The following PPOX variants were observed in gnomAD, a reference collection of about 807,000 sequenced individuals.
PPOX encodes variegate porphyria.
Under a neutral mutation model 54.1 loss-of-function variants are expected in PPOX, and 23 were observed. The ratio of observed to expected loss-of-function variants is 0.43; its 90% CI spans 0.31 to 0.60. PPOX has a LOEUF of 0.60. PPOX is among the 20% of genes least tolerant of loss of function. The probability of loss-of-function intolerance (pLI) is 0.13; values close to 1 mark genes in which losing one functional copy is unlikely to be tolerated. For synonymous variants in PPOX, 224 were observed against 236.1 expected (o/e 0.95, Z 0.47); for missense variants, 512 against 601.1 (o/e 0.85, Z 1.55).
chr1:161,177,873 A>C (rs1224693417), downstream of PPOX: 1 of 152,296 alleles, frequency 6.6e-6, no homozygotes, highest in Non-Finnish European at 1.5e-5. Flanking sequence ...CACCCCCTGC[A>C]GCCTAGTGCC....
downstream of PPOX, chr1:161,175,672 C>T: frequency 7.5e-7 from 1 of 1,342,274 alleles, no homozygotes; most frequent in South Asian, 1.4e-5. Context: ...CTATCTCAAC[C>T]TCAGCCTACC....
rs1168643842 is a variant in PPOX at position 161,167,089 on chromosome 1, C to T, written c.88-11C>T. On this transcript the variant is annotated splice_polypyrimidine_tract_variant and intron_variant, in intron 2 of 12. Coordinates refer to ENST00000367999, the MANE Select transcript of PPOX (RefSeq NM_001122764.3). ...AGGCGGTGCTGCAGTGTCTCTCCCT[C>T]TTGTCGCCAGGTGGTCCTAGTGGAG... 3 of 1,614,212 alleles carry T rather than the reference C, an allele frequency of 1.9e-6. No homozygotes were observed. The highest frequency in any genetic ancestry group is 2.5e-6 in the Non-Finnish European group (3 of 1,180,036).
chr1:161,170,831 A>G (rs1661079260), intron 11 of PPOX, 62 bp downstream of exon 11: 1 of 1,613,732 alleles, frequency 6.2e-7, no homozygotes, highest in Non-Finnish European at 8.5e-7. Context: ...AGACTGGAAC[A>G]TTTGTCACTG....
chr1:161,166,195 C>G, upstream of PPOX: 5 of 977,572 alleles, frequency 5.1e-6, no homozygotes, highest in Non-Finnish European at 6.1e-6. Context: ...CTGGGGAACG[C>G]TAACTCCAGC....
downstream of PPOX, chr1:161,177,792 C>G (rs1398541467): frequency 6.6e-6 from 1 of 152,272 alleles, no homozygotes; most frequent in East Asian, 1.9e-4. Flanking sequence ...GCTAGTGAGC[C>G]GGTTTCTGGT....
At chr1:161,166,709 C>A in intron 1 of PPOX, 37 bp downstream of exon 1, 1 of 1,532,456 alleles carries the variant, frequency 6.5e-7, no homozygotes, top group Non-Finnish European at 8.7e-7. Flanking sequence ...CTCGCTGTTC[C>A]ACCAGCCCAT....
upstream of PPOX, chr1:161,166,186 T>C: frequency 6.1e-6 from 6 of 980,366 alleles, no homozygotes; most frequent in Non-Finnish European, 7.3e-6. Flanking sequence ...AAGCTTGTGC[T>C]GGGGAACGCT....
intron 8 of PPOX, 48 bp downstream of exon 8, chr1:161,169,768 G>A (rs1165058263): frequency 6.2e-7 from 1 of 1,613,560 alleles, no homozygotes; most frequent in East Asian, 2.2e-5. Flanking sequence ...CCAGTGAGAA[G>A]CAAAAGCTAT....
At chr1:161,176,468 G>A (rs1247783752) in intron 4 of PPOX, 2 of 373,418 alleles carry the variant, frequency 5.4e-6, no homozygotes, top group Non-Finnish European at 4.9e-6. Flanking sequence ...GATCATGGGG[G>A]CTCCAGGGGG....
At chr1:161,174,399 T>A, downstream of PPOX, among the ~76,000 whole-genome samples, 2 of 124,026 alleles carry the variant, frequency 1.6e-5, no homozygotes. Flanking sequence ...CAGAGTGAGA[T>A]CTCAAAAAAA....
chr1:161,167,137 G>A lies in PPOX; in HGVS notation c.125G>A (p.Trp42Ter). Residue 42 changes from tryptophan (W) to a stop codon, truncating the protein, a stop_gained, in exon 3 of 13, where the codon TGG (tryptophan) becomes TAG (stop). Coordinates refer to ENST00000367999, the MANE Select transcript of PPOX (RefSeq NM_001122764.3). LOFTEE classifies it high-confidence loss of function. ...GAGAGCAGTGAGCGTCTGGGAGGCT[G>A]GATTCGCTCCGTTCGAGGCCCTAAT... Reference protein sequence around the residue: ...LVESSERLGGWIRSVRGPNGA... With the variant: ...LVESSERLGG The A allele has an allele frequency of 6.2e-7, 1 of 1,614,198 alleles. No individual in the cohort carries two copies. The highest frequency in any genetic ancestry group is 8.5e-7 in the Non-Finnish European group (1 of 1,180,038).
At chr1:161,166,331 A>C, upstream of PPOX, 1 of 1,030,446 alleles carries the variant, frequency 9.7e-7, no homozygotes, top group East Asian at 8.4e-5. Flanking sequence ...CTGCCAGTTC[A>C]ATGTTTTATT....
intron 7 of PPOX, 188 bp from the exon 8 acceptor site, chr1:161,169,472 T>C (rs993849549): frequency 1.4e-6 from 1 of 738,306 alleles, no homozygotes; most frequent in African/African-American, 1.7e-5. Flanking sequence ...CTGGTCCACT[T>C]CCTGGAGTAC....
downstream of PPOX, chr1:161,177,492 A>G: frequency 5.9e-6 from 1 of 169,852 alleles, no homozygotes; most frequent in Non-Finnish European, 1.3e-5. Flanking sequence ...CCATCTTGGA[A>G]GCGGGCGCTG....
At chr1:161,166,334 G>A (rs906859113), upstream of PPOX, 5 of 1,039,684 alleles carry the variant, frequency 4.8e-6, no homozygotes, top group Non-Finnish European at 4.6e-6. Flanking sequence ...CCAGTTCAAT[G>A]TTTTATTGGT....
intron 4 of PPOX, chr1:161,176,533 G>T (rs1421853450): frequency 4.6e-6 from 2 of 431,068 alleles, no homozygotes; most frequent in East Asian, 4.4e-5. Flanking sequence ...GTCACAGAGG[G>T]CAGAGAAAGG....
chr1:161,172,871 GA>G (rs1233807508), downstream of PPOX, among the ~76,000 whole-genome samples: 577 of 75,974 alleles, frequency 7.6e-3, 6 homozygotes, highest in African/African-American at 0.02. Flanking sequence ...TAGAGAAAAA[GA>G]AAAAAAAAAA....
At chr1:161,175,033 T>C (rs774353725), downstream of PPOX, 13 of 1,613,672 alleles carry the variant, frequency 8.1e-6, no homozygotes, top group Non-Finnish European at 1.0e-5. Flanking sequence ...CTGCTGGCGC[T>C]GCAAGAAGGG....
At chr1:161,175,296 G>A, downstream of PPOX, 10 of 1,401,850 alleles carry the variant, frequency 7.1e-6, no homozygotes, top group Non-Finnish European at 9.9e-6. Context: ...CTAGGGTTTG[G>A]GAATACCTCT....
Sources: allele counts gnomAD v4.1 joint callset (sites outside exome capture counted in the v4.1 genomes callset), GRCh38; gene constraint gnomAD v4.1.1; transcripts MANE v1.5; gene names NCBI Gene and HGNC (gene_info 2026-07-23, HGNC 2026-07-21).